The following YWHAE variants were observed in gnomAD, a reference collection of about 807,000 sequenced individuals.
YWHAE encodes 14-3-3 protein epsilon.
In YWHAE, 4 loss-of-function variants were observed where a neutral mutation model predicts 30.1. That is an observed-to-expected ratio of 0.13 (90% CI 0.07 to 0.30). The LOEUF (loss-of-function observed/expected upper bound fraction) is 0.30, where lower values mean the gene tolerates loss of function less well. YWHAE is among the 10% of genes least tolerant of loss of function. The pLI is 1.00. For synonymous variants in YWHAE, 118 were observed against 111.8 expected (o/e 1.06, Z -0.35); for missense variants, 121 against 315.9 (o/e 0.38, Z 4.68).
rs1282431610 is a variant in YWHAE at position 1,364,882 on chromosome 17, T to C, written c.241A>G (p.Met81Val). 2 of 1,614,068 alleles carry C rather than the reference T, an allele frequency of 1.2e-6. No individual in the cohort carries two copies. The highest frequency in any genetic ancestry group is 1.1e-5 in the South Asian group (1 of 91,080). ...ACCATTTGCCGATATTCCCGAATCA[T>C]TTTTAGCTTGTCTTCTCCTCCCTTG... is the stretch of plus-strand genomic sequence containing the variant. ...ENKGGEDKLKMIREYRQMVET... is the reference protein window; with the variant it reads ...ENKGGEDKLKVIREYRQMVET... Residue 81 changes from methionine (M) to valine (V), a missense_variant, in exon 2 of 6, where the codon ATG (methionine) becomes GTG (valine). Transcript: ENST00000264335.
At chr17:1,375,336 G>A (rs996308974) in intron 1 of YWHAE, among the ~76,000 whole-genome samples, 3 of 152,082 alleles carry the variant, frequency 2.0e-5, no homozygotes, top group Admixed American at 1.3e-4. Context: ...CTCAGTAGAG[G>A]ATGAACTCCA....
intron 1 of YWHAE, among the ~76,000 whole-genome samples, chr17:1,376,374 C>CAGAAAGAAAGAAAAAGAAAGACAG (rs2073123980): frequency 1.3e-5 from 1 of 77,006 alleles, no homozygotes; most frequent in African/African-American, 4.1e-5. Flanking sequence ...GACAGACAGA[C>CAGAAAGAAAGAAAAAGAAAGACAG]AGAAAGAAAG....
intron 4 of YWHAE, among the ~76,000 whole-genome samples, chr17:1,356,211 C>CACAG (rs2072740096): frequency 7.1e-6 from 1 of 141,050 alleles, no homozygotes; most frequent in Non-Finnish European, 1.5e-5. Flanking sequence ...CACACACACA[C>CACAG]ACACAAAATT....
intron 5 of YWHAE, among the ~76,000 whole-genome samples, chr17:1,348,756 G>A (rs2072567073): frequency 6.6e-6 from 1 of 152,224 alleles, no homozygotes; most frequent in East Asian, 1.9e-4. Flanking sequence ...GGGAACAGTG[G>A]CTCACGCCTG....
intron 1 of YWHAE, among the ~76,000 whole-genome samples, chr17:1,393,016 C>A (rs917242297): frequency 2.0e-5 from 3 of 151,890 alleles, no homozygotes; most frequent in Admixed American, 1.3e-4. Flanking sequence ...CCAGCCTGGG[C>A]AACATGGTGA....
chr17:1,356,232 G>T (rs1268156106), intron 4 of YWHAE, among the ~76,000 whole-genome samples: 1 of 148,334 alleles, frequency 6.7e-6, no homozygotes, highest in African/African-American at 2.5e-5. Flanking sequence ...AGCCGGGCAT[G>T]GTGGCGTATG....
Position 1,354,884 on chromosome 17 carries a change from G to T in YWHAE, c.579-537C>A, listed in dbSNP as rs978020144. Among the ~76,000 whole-genome samples the T allele has an allele frequency of 2.0e-5, 3 of 148,842 alleles. No individual in the cohort carries two copies. The Admixed American group carries it at 2.0e-4, about 10-fold the overall frequency. ...TCACCGTGTTAGCCAGGATGGTCTC[G>T]ATCTCCTGACCTCGTGATCCACCAG... On this transcript the variant is annotated intron_variant, in intron 4 of 5. Transcript: ENST00000264335.
At chr17:1,396,467 G>A (rs2073473325) in intron 1 of YWHAE, among the ~76,000 whole-genome samples, 1 of 152,100 alleles carries the variant, frequency 6.6e-6, no homozygotes, top group African/African-American at 2.4e-5. Context: ...CTCAACAGAT[G>A]CATTCCTAGG....
chr17:1,355,395 G>T (rs954105951), intron 4 of YWHAE, among the ~76,000 whole-genome samples: 1 of 151,482 alleles, frequency 6.6e-6, no homozygotes, highest in African/African-American at 2.4e-5. Context: ...TTCTGACCTC[G>T]TGATGTGCCC....
At chr17:1,388,244 C>T (rs577255980) in intron 1 of YWHAE, among the ~76,000 whole-genome samples, 1 of 148,452 alleles carries the variant, frequency 6.7e-6, no homozygotes, top group Non-Finnish European at 1.5e-5. Flanking sequence ...TGGCCAGGCG[C>T]TGTGGCTCAC....
At chr17:1,369,508 A>G (rs189930512) in intron 1 of YWHAE, among the ~76,000 whole-genome samples, 19 of 152,152 alleles carry the variant, frequency 1.2e-4, no homozygotes, top group Admixed American at 5.2e-4. Flanking sequence ...AAATAAATAA[A>G]CTGTACCATT....
chr17:1,391,185 T>C (rs978878148), intron 1 of YWHAE, among the ~76,000 whole-genome samples: 6 of 152,172 alleles, frequency 3.9e-5, no homozygotes, highest in Non-Finnish European at 7.3e-5. Context: ...TTTCAGCAAC[T>C]ACCACATCCT....
intron 1 of YWHAE, among the ~76,000 whole-genome samples, chr17:1,386,423 G>C (rs1038019713): frequency 6.6e-6 from 1 of 152,184 alleles, no homozygotes; most frequent in Non-Finnish European, 1.5e-5. Context: ...TCCTTGAAAA[G>C]ATCTTTTGTC....
chr17:1,348,477 T>C (rs2072563060), intron 5 of YWHAE, among the ~76,000 whole-genome samples: 1 of 152,160 alleles, frequency 6.6e-6, no homozygotes, highest in Admixed American at 6.6e-5. Flanking sequence ...ACCGTCTCTT[T>C]AAAAAACAAA....
At chr17:1,357,879 A>C (rs184320171) in intron 4 of YWHAE, among the ~76,000 whole-genome samples, 244 of 151,458 alleles carry the variant, frequency 1.6e-3, no homozygotes, top group South Asian at 4.4e-3. Context: ...GTGAGCTGAG[A>C]TTGCACCACT....
intron 5 of YWHAE, 42 bp downstream of exon 5, chr17:1,354,169 T>C (rs2072688551): frequency 6.2e-7 from 1 of 1,600,330 alleles, no homozygotes; most frequent in Non-Finnish European, 8.5e-7. Context: ...AAACAAATCC[T>C]GCAACTGAAA....
chr17:1,364,739 T>C (rs1185785641), intron 2 of YWHAE, 120 bp downstream of exon 2: 3 of 1,221,640 alleles, frequency 2.5e-6, no homozygotes, highest in African/African-American at 1.5e-5. Context: ...AGAAACATTA[T>C]AACATACTGT....
chr17:1,349,890 C>T (rs2150837358), intron 5 of YWHAE, among the ~76,000 whole-genome samples: 1 of 151,190 alleles, frequency 6.6e-6, no homozygotes, highest in Admixed American at 6.6e-5. Flanking sequence ...CTGGGATTAA[C>T]CGGCGTGAGC....
chr17:1,346,686 CTACAAAAAA>C (rs1438296465), intron 5 of YWHAE, among the ~76,000 whole-genome samples: 2 of 152,162 alleles, frequency 1.3e-5, no homozygotes, highest in African/African-American at 4.8e-5. Flanking sequence ...AGCCCTGTCT[CTACAAAAAA>C]TGAACATAAC....
Sources: allele counts gnomAD v4.1 joint callset (sites outside exome capture counted in the v4.1 genomes callset), GRCh38; gene constraint gnomAD v4.1.1; transcripts MANE v1.5; gene names NCBI Gene and HGNC (gene_info 2026-07-23, HGNC 2026-07-21).